Variants in PRKD3 observed in about 807,000 individuals in gnomAD.
PRKD3 encodes the protein serine/threonine-protein kinase D3.
PRKD3 carries 47 observed loss-of-function variants against 99.2 expected under a neutral mutation model. That is an observed-to-expected ratio of 0.47 (90% CI 0.38 to 0.60). The LOEUF is 0.60. Ranked by LOEUF, PRKD3 falls within the 20% of genes least tolerant of loss-of-function variation. The pLI is 0.00. For synonymous variants in PRKD3, 392 were observed against 355.4 expected (o/e 1.10, Z -1.16); for missense variants, 1,019 against 1,088.4 (o/e 0.94, Z 0.90).
intron 2 of PRKD3, among the ~76,000 whole-genome samples, chr2:37,294,314 T>C (rs1293221717): frequency 1.3e-5 from 2 of 152,116 alleles, no homozygotes; most frequent in East Asian, 1.9e-4. Context: ...CAGGCTGGTG[T>C]TGAACTTCTA....
At chr2:37,282,423 A>G (rs1309216829) in intron 7 of PRKD3, 119 bp downstream of exon 7, 9 of 688,800 alleles carry the variant, frequency 1.3e-5, no homozygotes, top group Non-Finnish European at 2.0e-5. Context: ...TTATTAAATC[A>G]GAAGAAAATC....
chr2:37,261,404 T>C (rs894143837), intron 14 of PRKD3, among the ~76,000 whole-genome samples: 2 of 151,798 alleles, frequency 1.3e-5, no homozygotes, highest in Non-Finnish European at 2.9e-5. Context: ...GGAGAATCAC[T>C]TGAACCTGGG....
chr2:37,309,689 A>T (rs914347128), intron 2 of PRKD3, among the ~76,000 whole-genome samples: 5 of 151,972 alleles, frequency 3.3e-5, no homozygotes, highest in African/African-American at 9.7e-5. Context: ...CTCTACTAAA[A>T]CTACAAATAT....
chr2:37,259,054 A>G (rs77675841), intron 16 of PRKD3, among the ~76,000 whole-genome samples: 240 of 43,444 alleles, frequency 5.5e-3, no homozygotes, highest in Non-Finnish European at 0.011. Context: ...AACACTTGGA[A>G]AAAAAAAAAA....
chr2:37,254,238 C>T lies in PRKD3; in HGVS notation c.2465G>A (p.Ser822Asn). The T allele has an allele frequency of 6.2e-7, 1 of 1,613,420 alleles. No individual in the cohort carries two copies. The highest frequency in any genetic ancestry group is 8.5e-7 in the Non-Finnish European group (1 of 1,179,384). The change falls in exon 18 of 19, where the codon AGT becomes AAT. Residue 822 changes from serine to asparagine, a missense_variant. By Grantham distance (46) the Ser-to-Asn change is conservative (BLOSUM62 1). Coordinates refer to ENST00000234179, the MANE Select transcript of PRKD3 (RefSeq NM_005813.6). The part of the protein sequence containing the change: ...LLQVKMRKRY[S>N]VDKSLSHPWL... The stretch of plus-strand genomic sequence containing the variant: ...GGGATGACTAAGAGATTTGTCAACA[C>T]TGTAACGTTTTCTCATCTTCACTTG...
At chr2:37,254,673 A>G (rs1243351989) in intron 17 of PRKD3, among the ~76,000 whole-genome samples, 6 of 152,208 alleles carry the variant, frequency 3.9e-5, no homozygotes, top group Non-Finnish European at 7.4e-5. Context: ...TGCTTAGCAC[A>G]TAAGTGCTAA....
rs758672804 is a variant in PRKD3 at position 37,274,468 on chromosome 2, G to C, written c.1604C>G (p.Thr535Ser). ...AGAAGTGCAAACACTTGCTTGAGGA[G>C]TAACAGGCATGAGGGCTTGGCGAAT... ...KAIRQALMPV[T>S]PQASVCTSPG... is the part of the protein sequence containing the mutation. The change falls in exon 11 of 19, where the codon ACT (threonine) becomes AGT (serine). Residue 535 changes from threonine to serine, a missense_variant. Physicochemically the swap from Thr to Ser is moderately conservative, Grantham distance 58. Around this residue, in one of 3 missense-constraint regions of PRKD3, gnomAD observed 710 missense variants for 692.7 expected, o/e 1.02. Transcript: ENST00000234179. 5 of 1,614,148 alleles carry C rather than the reference G, an allele frequency of 3.1e-6. No individual in the cohort carries two copies. The highest frequency in any genetic ancestry group is 1.6e-4 in the Middle Eastern group (1 of 6,062).
At chr2:37,299,654 C>T (rs1055771830) in intron 2 of PRKD3, among the ~76,000 whole-genome samples, 11 of 151,002 alleles carry the variant, frequency 7.3e-5, no homozygotes, top group Non-Finnish European at 1.6e-4. Context: ...GGGTTAATAA[C>T]CAGAATATAT....
At chr2:37,293,358 A>G (rs1670535791) in intron 2 of PRKD3, 87 bp from the exon 3 acceptor site, 2 of 1,309,518 alleles carry the variant, frequency 1.5e-6, no homozygotes, top group Non-Finnish European at 2.0e-6. Context: ...AATTTAAAAC[A>G]TAGTGTTTTT....
At chr2:37,276,680 T>C (rs977766025) in intron 9 of PRKD3, among the ~76,000 whole-genome samples, 1 of 151,556 alleles carries the variant, frequency 6.6e-6, no homozygotes, top group Non-Finnish European at 1.5e-5. Flanking sequence ...TATTCTTGAA[T>C]TTGTAAAATA....
In PRKD3 at chr2:37,293,250, C is replaced by G. The variant is rs772914061; in HGVS notation, c.310G>C (p.Gly104Arg). 7 of 1,599,122 alleles carry G rather than the reference C, an allele frequency of 4.4e-6. No homozygotes were observed. The highest frequency in any genetic ancestry group is 6.0e-6 in the Non-Finnish European group (7 of 1,168,424). The change falls in exon 3 of 19, where the codon GGC becomes CGC. Residue 104 changes from glycine to arginine, a missense_variant. This residue lies in a region of PRKD3 where 710 missense variants were observed against 692.7 expected (regional missense o/e 1.02). Transcript: ENST00000234179. ...YQKFPECGFF[G>R]MYDKILLFRH... Reference sequence around the variant, plus strand: ...AAGAGAAGAATTTTGTCATACATGCCAAAGAATCCACACTCTGGAAACTGA... The same window carrying G: ...AAGAGAAGAATTTTGTCATACATGCGAAAGAATCCACACTCTGGAAACTGA...
intron 9 of PRKD3, 54 bp downstream of exon 9, chr2:37,277,812 A>G: frequency 6.3e-7 from 1 of 1,581,544 alleles, no homozygotes; most frequent in South Asian, 1.1e-5. Flanking sequence ...AATGCACAGA[A>G]TGAAACTCAT....
intron 17 of PRKD3, among the ~76,000 whole-genome samples, chr2:37,255,761 T>G (rs189745601): frequency 6.6e-6 from 1 of 152,166 alleles, no homozygotes; most frequent in East Asian, 1.9e-4. Context: ...ATCCCAGCAC[T>G]TTGGGAGGTC....
intron 17 of PRKD3, 130 bp from the exon 18 acceptor site, chr2:37,254,419 A>T: frequency 1.5e-6 from 1 of 654,406 alleles, no homozygotes; most frequent in Non-Finnish European, 2.8e-6. Flanking sequence ...AAGGACGTGG[A>T]CTTTTAGCTA....
At chr2:37,308,215 C>T (rs1298920261) in intron 2 of PRKD3, among the ~76,000 whole-genome samples, 3 of 152,148 alleles carry the variant, frequency 2.0e-5, no homozygotes, top group South Asian at 2.1e-4. Flanking sequence ...TAATACTTGC[C>T]GTAACATTTT....
At chr2:37,311,911 T>C (rs1020338676) in intron 2 of PRKD3, among the ~76,000 whole-genome samples, 2 of 152,178 alleles carry the variant, frequency 1.3e-5, no homozygotes, top group Non-Finnish European at 2.9e-5. Flanking sequence ...CTAGTTACTC[T>C]CCAGTGCAGT....
At chr2:37,293,366 T>G in intron 2 of PRKD3, 95 bp from the exon 3 acceptor site, 1 of 1,219,638 alleles carries the variant, frequency 8.2e-7, no homozygotes, top group Non-Finnish European at 1.1e-6. Context: ...ACATAGTGTT[T>G]TTAACCTAAC....
chr2:37,271,252 G>A (rs1399276021), intron 12 of PRKD3, among the ~76,000 whole-genome samples: 2 of 152,006 alleles, frequency 1.3e-5, no homozygotes, highest in African/African-American at 4.8e-5. Context: ...CCAGGGGTTA[G>A]CAAACTCCAG....
chr2:37,272,563 A>G, intron 11 of PRKD3, 131 bp from the exon 12 acceptor site: 2 of 1,153,300 alleles, frequency 1.7e-6, no homozygotes, highest in Non-Finnish European at 2.3e-6. Context: ...TACATTAACA[A>G]AATCTACACA....
Sources: gnomAD v4.1 joint callset for allele counts (sites outside exome capture counted in the v4.1 genomes callset) on GRCh38, gnomAD v4.1.1 for gene constraint, gnomAD v4.1.1 regional missense constraint, MANE v1.5 for transcripts, NCBI Gene and HGNC (gene_info 2026-07-23, HGNC 2026-07-21) for gene names.